OS9: variants seen among roughly 807,000 people sequenced by gnomAD.
OS9 encodes OS9 endoplasmic reticulum lectin, also known as protein OS-9.
Under a neutral mutation model 84.7 loss-of-function variants are expected in OS9, and 58 were observed. That is an observed-to-expected ratio of 0.68 (90% confidence interval 0.55 to 0.85). The LOEUF is 0.85. OS9 is among the 40% of genes least tolerant of loss of function. The probability of loss-of-function intolerance (pLI) is 0.00; values close to 1 mark genes in which losing one functional copy is unlikely to be tolerated. For synonymous variants in OS9, 278 were observed against 320.8 expected (o/e 0.87, Z 1.43); for missense variants, 760 against 850.9 (o/e 0.89, Z 1.33).
In OS9 at chr12:57,718,155, A is replaced by C. The variant is rs1954562501; in HGVS notation, c.1144A>C (p.Asn382His). ...CTCCCTACCCACCCAGGGGAAGCCA[A>C]ATATAGGCCAAGAGCAGCCTGTGGA... ...LKGGTKKGKP[N>H]IGQEQPVDDA... The change falls in exon 11 of 15, where the codon AAT becomes CAT. Residue 382 changes from asparagine to histidine, a missense_variant. Transcript: ENST00000315970. The C allele has an allele frequency of 6.2e-7, 1 of 1,613,756 alleles. No homozygotes were observed. The highest frequency in any genetic ancestry group is 8.5e-7 in the Non-Finnish European group (1 of 1,179,746).
chr12:57,717,352 A>G (rs964505369), intron 9 of OS9, among the ~76,000 whole-genome samples: 1 of 152,224 alleles, frequency 6.6e-6, no homozygotes, highest in Non-Finnish European at 1.5e-5. Context: ...TTGGTCTCTC[A>G]TTACCTGTCC....
intron 5 of OS9, among the ~76,000 whole-genome samples, chr12:57,708,680 A>G (rs1190817698): frequency 6.6e-6 from 1 of 151,364 alleles, no homozygotes; most frequent in Non-Finnish European, 1.5e-5. Flanking sequence ...TTATTCTGTT[A>G]TATAGTTGTA....
chr12:57,712,361 T>C (rs1253996840), intron 5 of OS9, among the ~76,000 whole-genome samples: 3 of 152,198 alleles, frequency 2.0e-5, no homozygotes, highest in Admixed American at 6.5e-5. Context: ...TTGATTTTTT[T>C]CCTTTAACTC....
chr12:57,718,460 C>T, intron 11 of OS9, 39 bp downstream of exon 11: 1 of 1,594,646 alleles, frequency 6.3e-7, no homozygotes, highest in South Asian at 1.1e-5. Flanking sequence ...CCACAGCCGC[C>T]TGGTCCCGTG....
chr12:57,705,100 A>G (rs77771998), intron 5 of OS9, among the ~76,000 whole-genome samples: 54 of 152,280 alleles, frequency 3.5e-4, no homozygotes, highest in East Asian at 2.5e-3. Context: ...TTTTGTTCCA[A>G]TAGTCTATCT....
chr12:57,717,935 G>T lies in OS9; in HGVS notation c.1111G>T (p.Glu371Ter). Residue 371 changes from glutamate (E) to a stop codon, truncating the protein, a stop_gained, in exon 10 of 15, where the codon GAG becomes TAG. Transcript: ENST00000315970. LOFTEE classifies it high-confidence loss of function. Reference sequence around the variant, plus strand: ...TGCGGATTTGATTCGATTCATAGAGGAGCTGAAAGGTGGAACAAAAAAGGT... The same window carrying T: ...TGCGGATTTGATTCGATTCATAGAGTAGCTGAAAGGTGGAACAAAAAAGGT... ...SPADLIRFIE[E>*]LKGGTKKGKP... 1 of 1,612,746 alleles carries T rather than the reference G, an allele frequency of 6.2e-7. No individual in the cohort carries two copies. Among genetic ancestry groups the T allele is most frequent in the Non-Finnish European group, 8.5e-7 (1 of 1,179,520 alleles).
Position 57,720,804 on chromosome 12 carries a change from C to G in OS9, c.1899C>G (p.Ala633=). 6.2e-7 allele frequency: 1 copy of G among 1,612,298 alleles called. No homozygotes were observed. Among genetic ancestry groups the G allele is most frequent in the Non-Finnish European group, 8.5e-7 (1 of 1,179,052 alleles). The change falls in exon 15 of 15, where the codon GCC becomes GCG. Residue 633 remains alanine (A), a synonymous_variant. Transcript: ENST00000315970. The part of the protein sequence containing the change: ...FNILVPGAEE[A]QKERQRQKEL... ...ACCAGGTGCCGGGAGCTGAAGAGGC[C>G]CAGAAGGAACGCCAGCGGCAGAAAG... is the stretch of plus-strand genomic sequence containing the variant.
chr12:57,696,313 G>C lies in OS9; in HGVS notation c.519G>C (p.Gln173His), dbSNP rs1953832269. 6.2e-7 allele frequency: 1 copy of C among 1,613,750 alleles called. No homozygotes were observed. Among genetic ancestry groups the C allele is most frequent in the Non-Finnish European group, 8.5e-7 (1 of 1,179,892 alleles). ...ATCGTCTTAAACGCTACCACAGCCA[G>C]ACCTATGGCAATGGGTCCAAGTGCG... ...KQHRLKRYHS[Q>H]TYGNGSKCDL... Residue 173 changes from glutamine (Q) to histidine (H), a missense_variant, in exon 5 of 15, where the codon CAG becomes CAC. Physicochemically the swap from Gln to His is conservative, Grantham distance 24. Coordinates refer to ENST00000315970, the MANE Select transcript of OS9 (RefSeq NM_006812.4).
chr12:57,717,575 C>A (rs1325883612), intron 9 of OS9, among the ~76,000 whole-genome samples: 1 of 151,746 alleles, frequency 6.6e-6, no homozygotes, highest in Non-Finnish European at 1.5e-5. Flanking sequence ...GGTGGATCAC[C>A]TGAGGTCAAG....
chr12:57,717,694 G>A (rs897590730), intron 9 of OS9, among the ~76,000 whole-genome samples, 176 bp from the exon 10 acceptor site: 13 of 149,564 alleles, frequency 8.7e-5, no homozygotes, highest in African/African-American at 3.2e-4. Flanking sequence ...TTGGGAGGCT[G>A]AGGCAGGAGA....
intron 3 of OS9, 49 bp from the exon 4 acceptor site, chr12:57,695,904 CCCTCCTCCT>C: frequency 1.3e-6 from 2 of 1,543,836 alleles, no homozygotes; most frequent in South Asian, 1.1e-5. Flanking sequence ...TTCCCCAGTT[CCCTCCTCCT>C]CCTCCTCCTC....
In OS9 at chr12:57,699,341, A is replaced by G. The variant is rs577194005; in HGVS notation, c.579+2968A>G. On this transcript the variant is annotated intron_variant, in intron 5 of 14. Transcript: ENST00000315970. ...GTTGTCCTTGTATCAGCCATAACTG[A>G]AGCCAAGGTATGGATGAAATCCCCC... Among the ~76,000 whole-genome samples the G allele has an allele frequency of 2.6e-5, 4 of 152,318 alleles. No individual in the cohort carries two copies. The East Asian group carries it at 7.7e-4, about 29-fold the overall frequency.
intron 5 of OS9, among the ~76,000 whole-genome samples, chr12:57,715,294 C>T (rs1257748523): frequency 6.6e-6 from 1 of 151,998 alleles, no homozygotes; most frequent in Non-Finnish European, 1.5e-5. Context: ...ACCCAGGAGG[C>T]GGAGGTTGCA....
chr12:57,714,491 C>T (rs1565778086), intron 5 of OS9, among the ~76,000 whole-genome samples: 1 of 152,128 alleles, frequency 6.6e-6, no homozygotes, highest in Non-Finnish European at 1.5e-5. Context: ...AGGTGTGAGC[C>T]ACCGCGCCCA....
intron 14 of OS9, 46 bp from the exon 15 acceptor site, chr12:57,720,728 ACTTCCCTGGG>A: frequency 6.4e-7 from 1 of 1,552,148 alleles, no homozygotes; most frequent in South Asian, 1.2e-5. Flanking sequence ...CTGGCCCAGG[ACTTCCCTGGG>A]CTCAACGGCC....
At position 57,721,225 on chromosome 12, in the gene OS9, T is replaced by A. The variant is rs1954672170; in HGVS notation, c.*316T>A. 1 of 297,580 alleles carries A rather than the reference T, an allele frequency of 3.4e-6. No individual in the cohort carries two copies. The allele number at this position is 297,580 out of a possible 1,614,324, so 18.4% of individuals were successfully genotyped here. ...TATTCCCTGCTGCCTACCTGGAGAT[T>A]CAGTAGGATCTTTTGAGTGGAGGTG... On this transcript the variant is annotated 3_prime_UTR_variant, in exon 15 of 15. Coordinates refer to ENST00000315970, the MANE Select transcript of OS9 (RefSeq NM_006812.4).
chr12:57,703,424 T>C (rs1335016314), intron 5 of OS9, among the ~76,000 whole-genome samples: 1 of 152,156 alleles, frequency 6.6e-6, no homozygotes, highest in African/African-American at 2.4e-5. Flanking sequence ...AATTTTTGTA[T>C]GTGGTGTAAT....
chr12:57,700,627 G>C (rs1230971540), intron 5 of OS9, among the ~76,000 whole-genome samples: 3 of 152,094 alleles, frequency 2.0e-5, no homozygotes, highest in Admixed American at 1.3e-4. Flanking sequence ...TGGGGCTAGG[G>C]AACAACTGGT....
intron 8 of OS9, 83 bp from the exon 9 acceptor site, chr12:57,716,610 G>T: frequency 3.3e-6 from 5 of 1,517,626 alleles, no homozygotes; most frequent in Non-Finnish European, 4.6e-6. Flanking sequence ...GGGATGCAAG[G>T]ATATCCCCAG....
Sources: allele counts gnomAD v4.1 joint callset (sites outside exome capture counted in the v4.1 genomes callset), GRCh38; gene constraint gnomAD v4.1.1; transcripts MANE v1.5; gene names NCBI Gene and HGNC (gene_info 2026-07-23, HGNC 2026-07-21).